ZNF880: variants seen among roughly 807,000 people sequenced by gnomAD.
ZNF880 encodes the protein zinc finger protein 880.
In ZNF880, 12 loss-of-function variants were observed where a neutral mutation model predicts 11.8. The ratio of observed to expected loss-of-function variants is 1.02; its 90% confidence interval spans 0.65 to 1.65. The LOEUF is 1.65. Among genes scored for constraint, ZNF880 ranks in the 40% most tolerant of loss-of-function variants. ZNF880 has a pLI of 0.00. For synonymous variants in ZNF880, 210 were observed against 232.4 expected (o/e 0.90, Z 0.88); for missense variants, 601 against 673.9 (o/e 0.89, Z 1.20).
downstream of ZNF880, chr19:52,390,464 G>C (rs1467408853): frequency 7.7e-6 from 2 of 258,098 alleles, no homozygotes; most frequent in Non-Finnish European, 1.6e-5. Flanking sequence ...TCCTGATATC[G>C]AGTGTGGGGA....
At chr19:52,372,815 C>T (rs1157634702) in intron 1 of ZNF880, among the ~76,000 whole-genome samples, 1 of 145,150 alleles carries the variant, frequency 6.9e-6, no homozygotes, top group Non-Finnish European at 1.5e-5. Context: ...GAGGCTGAGG[C>T]AGGAGAATGG....
the ZNF880 span, chr19:52,397,339 A>C: frequency 5.3e-5 from 8 of 152,052 alleles, no homozygotes; most frequent in African/African-American, 1.7e-4. Flanking sequence ...AGAACATTCT[A>C]CCCTGGCAGG....
chr19:52,373,358 C>T lies in ZNF880; in HGVS notation c.139+121C>T, dbSNP rs1452490056. ...TTGACTGAGATTGAAACCCTGTTGA[C>T]TCAGAAATGAAAACCTCCATAATGC... On this transcript the variant is annotated intron_variant, in intron 2 of 3. Transcript: ENST00000422689. 4.8e-6 allele frequency: 5 copies of T among 1,038,112 alleles called. No individual in the cohort carries two copies. In the African/African-American group the frequency reaches 8.1e-5, roughly 17 times the overall value. The allele number at this position is 1,038,112 out of a possible 1,614,324, so 64.3% of individuals were successfully genotyped here.
the ZNF880 span, chr19:52,397,085 A>G: frequency 1.3e-5 from 2 of 151,830 alleles, no homozygotes; most frequent in African/African-American, 4.8e-5. Flanking sequence ...ACAGAGGGAG[A>G]CGCTGTCTCA....
chr19:52,369,904 G>C (rs564912297), upstream of ZNF880: 4 of 1,550,802 alleles, frequency 2.6e-6, no homozygotes, highest in Non-Finnish European at 3.5e-6. Flanking sequence ...GCCTCGCCTC[G>C]CCTCTCAGCT....
chr19:52,377,781 C>T (rs756451885), intron 3 of ZNF880, among the ~76,000 whole-genome samples: 2 of 152,176 alleles, frequency 1.3e-5, no homozygotes, highest in Admixed American at 1.3e-4. Flanking sequence ...GGGTGTGCCA[C>T]CCTCCAGGCA....
At chr19:52,374,194 G>C in intron 2 of ZNF880, 105 bp from the exon 3 acceptor site, 1 of 1,028,832 alleles carries the variant, frequency 9.7e-7, no homozygotes, top group East Asian at 2.7e-5. Flanking sequence ...ACAGGCACCC[G>C]CCACCACGCC....
Position 52,383,886 on chromosome 19 carries a change from G to A in ZNF880, c.306G>A (p.Lys102=). 3.3e-6 allele frequency: 5 copies of A among 1,534,986 alleles called. No individual in the cohort carries two copies. Among genetic ancestry groups the A allele is most frequent in the Admixed American group, 4.3e-5 (2 of 47,028 alleles). Residue 102 remains lysine, a synonymous_variant, in exon 4 of 4, where the codon AAG becomes AAA. Coordinates refer to ENST00000422689, the MANE Select transcript of ZNF880 (RefSeq NM_001145434.2). ...AATTGGGAAGCAATGCCGGAAACAA[G>A]TCTCTTAAAAATCAACTTGGATTAA... ...SSKLGSNAGN[K]SLKNQLGLTF... is the part of the protein sequence containing the mutation.
In ZNF880 at chr19:52,384,427, C is replaced by G. The variant is rs1035651156; in HGVS notation, c.847C>G (p.Leu283Val). 1 of 1,613,996 alleles carries G rather than the reference C, an allele frequency of 6.2e-7. No homozygotes were observed. Among genetic ancestry groups the G allele is most frequent in the Non-Finnish European group, 8.5e-7 (1 of 1,179,996 alleles). ...CGKVFTQNSHLANHHRIHTGE... is the reference protein window; with the variant it reads ...CGKVFTQNSHVANHHRIHTGE... Reference sequence around the variant, plus strand: ...CAAAGTCTTCACTCAAAATTCTCACCTTGCAAATCATCACAGAATCCACAC... The same window carrying G: ...CAAAGTCTTCACTCAAAATTCTCACGTTGCAAATCATCACAGAATCCACAC... Residue 283 changes from leucine to valine, a missense_variant, in exon 4 of 4, where the codon CTT (leucine) becomes GTT (valine). By Grantham distance (32) the Leu-to-Val change is conservative. Around this residue, in one of 3 missense-constraint regions of ZNF880, gnomAD observed 420 missense variants for 442.6 expected, o/e 0.95. Coordinates refer to ENST00000422689, the MANE Select transcript of ZNF880 (RefSeq NM_001145434.2).
chr19:52,378,177 G>A (rs1257162381), intron 3 of ZNF880, among the ~76,000 whole-genome samples: 2 of 152,148 alleles, frequency 1.3e-5, no homozygotes, highest in Non-Finnish European at 2.9e-5. Flanking sequence ...ATTCCAAGGA[G>A]TTAGGAGCTC....
chr19:52,387,034 TAGG>T (rs1399367386), downstream of ZNF880, among the ~76,000 whole-genome samples: 4 of 144,416 alleles, frequency 2.8e-5, no homozygotes, highest in East Asian at 8.0e-4. Flanking sequence ...TAGTCCCCCT[TAGG>T]AGAATATACT....
At chr19:52,386,070 G>A (rs1309760702), downstream of ZNF880, among the ~76,000 whole-genome samples, 3 of 141,000 alleles carry the variant, frequency 2.1e-5, no homozygotes, top group Non-Finnish European at 4.6e-5. Context: ...AGCTACTCGG[G>A]AGGCTGAGGC....
intron 3 of ZNF880, among the ~76,000 whole-genome samples, chr19:52,380,912 C>T (rs771809683): frequency 1.2e-4 from 19 of 152,078 alleles, no homozygotes; most frequent in Non-Finnish European, 2.5e-4. Context: ...CCCCTAGGAT[C>T]AGTGATCTTC....
At chr19:52,377,910 A>C (rs1986600946) in intron 3 of ZNF880, among the ~76,000 whole-genome samples, 1 of 152,144 alleles carries the variant, frequency 6.6e-6, no homozygotes, top group Non-Finnish European at 1.5e-5. Flanking sequence ...AAGTGGCACA[A>C]TCTCAGCTCA....
chr19:52,383,953 G>A lies in ZNF880; in HGVS notation c.373G>A (p.Glu125Lys). ...HLSELQLFQA[E>K]RNISGCKHVE... ...GAGTGAACTGCAGCTATTTCAAGCT[G>A]AAAGGAATATTTCTGGATGTAAACA... The change falls in exon 4 of 4, where the codon GAA (glutamate) becomes AAA (lysine). Residue 125 changes from glutamate to lysine, a missense_variant. By Grantham distance (56) the Glu-to-Lys change is moderately conservative. Transcript: ENST00000422689. 1.9e-6 allele frequency: 3 copies of A among 1,555,826 alleles called. No homozygotes were observed. The highest frequency in any genetic ancestry group is 2.6e-6 in the Non-Finnish European group (3 of 1,149,042).
At chr19:52,372,297 T>G (rs1280542854) in intron 1 of ZNF880, among the ~76,000 whole-genome samples, 1 of 150,558 alleles carries the variant, frequency 6.6e-6, no homozygotes, top group African/African-American at 2.4e-5. Context: ...CTAATTTTTT[T>G]TTTTTTTGGA....
At chr19:52,397,466 CT>C in the ZNF880 span, 1 of 151,960 alleles carries the variant, frequency 6.6e-6, no homozygotes, top group Non-Finnish European at 1.5e-5. Flanking sequence ...CCTTACTTTT[CT>C]TTCTTGTCCA....
intron 1 of ZNF880, among the ~76,000 whole-genome samples, chr19:52,371,706 A>G (rs967158515): frequency 1.3e-5 from 2 of 151,564 alleles, no homozygotes; most frequent in Non-Finnish European, 2.9e-5. Context: ...TAATGCCCAG[A>G]CTCCTGGGAT....
rs1986488324 is a variant in ZNF880 at position 52,374,310 on chromosome 19, C to T, written c.151C>T (p.Pro51Ser). Residue 51 changes from proline (P) to serine (S), a missense_variant, in exon 3 of 4, where the codon CCT (proline) becomes TCT (serine). Pro to Ser is a moderately conservative substitution (Grantham distance 74). This residue lies in a region of ZNF880 where 420 missense variants were observed against 442.6 expected (regional missense o/e 0.95). Transcript: ENST00000422689. ...RNLVFLGICLPDLSVISMLEQ... is the reference protein window; with the variant it reads ...RNLVFLGICLSDLSVISMLEQ... ...CTTTTTTTAAATAGGAATCTGTCTT[C>T]CTGACCTGAGTGTTATCTCCATGTT... 1.9e-6 allele frequency: 3 copies of T among 1,612,710 alleles called. No individual in the cohort carries two copies. The highest frequency in any genetic ancestry group is 1.3e-5 in the African/African-American group (1 of 74,642).
Sources: allele counts gnomAD v4.1 joint callset (sites outside exome capture counted in the v4.1 genomes callset), GRCh38; gene constraint gnomAD v4.1.1; regional missense constraint gnomAD v4.1.1; transcripts MANE v1.5; gene names NCBI Gene and HGNC (gene_info 2026-07-23, HGNC 2026-07-21).